The following SLC25A36 variants were observed in gnomAD, a reference collection of about 807,000 sequenced individuals.
The protein encoded by SLC25A36 is epididymis secretory sperm binding protein.
SLC25A36 carries 24 observed loss-of-function variants against 35.3 expected under a neutral mutation model. That is an observed-to-expected ratio of 0.68 (90% CI 0.49 to 0.96). The LOEUF (loss-of-function observed/expected upper bound fraction) is 0.96. Among genes scored for constraint, SLC25A36 ranks in the 40% least tolerant of loss-of-function variants. The pLI, the probability that SLC25A36 is intolerant of heterozygous loss-of-function variation, is 0.00. For missense variants in SLC25A36, 294 were observed against 381.1 expected, an observed-to-expected ratio of 0.77 and a Z score of 1.90; for synonymous variants, 141 against 132.2, an observed-to-expected ratio of 1.07 and a Z score of -0.46.
chr3:140,959,609 A>G, intron 3 of SLC25A36, 69 bp downstream of exon 3: 1 of 655,266 alleles, frequency 1.5e-6, no homozygotes, highest in Non-Finnish European at 2.4e-6. Context: ...ACCTGGATTT[A>G]ATCATTTATA....
chr3:140,973,712 T>G lies in SLC25A36; in HGVS notation c.453-4T>G, dbSNP rs751970093. ...TCAGTAAGATGTTTCTTTTTGCTTT[T>G]CAGGAACCGCGGGGAAAGGCGAATG... On this transcript the variant is annotated splice_polypyrimidine_tract_variant and splice_region_variant and intron_variant, in intron 5 of 6. Transcript: ENST00000324194. 4 of 1,449,656 alleles carry G rather than the reference T, an allele frequency of 2.8e-6. No homozygotes were observed. In the East Asian group the frequency reaches 7.1e-5, roughly 26 times the overall value. 89.8% of individuals were successfully genotyped at this position (1,449,656 alleles called of 1,614,324 possible). A position where few individuals can be genotyped will look rare whatever the true frequency, so the allele number is the denominator to read the frequency against.
At position 140,978,514 on chromosome 3, in the gene SLC25A36, T is replaced by C. The variant is rs945345152; in HGVS notation, c.*2061T>C. The C allele has an allele frequency of 6.6e-6, 1 of 152,208 alleles. No homozygotes were observed. The highest frequency in any genetic ancestry group is 2.4e-5 in the African/African-American group (1 of 41,458). 9.4% of individuals were successfully genotyped at this position (152,208 alleles called of 1,614,324 possible). ...GTACCCCACAAATGATTAAGAATGA[T>C]ATGAAAACCAGCAGCTAAGGAACAT... On this transcript the variant is annotated 3_prime_UTR_variant, in exon 7 of 7. Coordinates refer to ENST00000324194, the MANE Select transcript of SLC25A36 (RefSeq NM_001104647.3).
intron 4 of SLC25A36, among the ~76,000 whole-genome samples, chr3:140,967,387 A>G (rs183740717): frequency 7.2e-4 from 110 of 152,096 alleles, no homozygotes; most frequent in Non-Finnish European, 1.6e-4. Context: ...AAAGCCTAAT[A>G]CAATGCTTTC....
At chr3:140,942,152 AGGCGAGGGG>A (rs1164503155) in intron 1 of SLC25A36, 57 bp downstream of exon 1, 18 of 202,210 alleles carry the variant, frequency 8.9e-5, no homozygotes, top group Non-Finnish European at 1.2e-4. Flanking sequence ...CCGAAGACGC[AGGCGAGGGG>A]GGCGAGGGGG....
At chr3:140,953,683 C>G (rs1187824483) in intron 1 of SLC25A36, among the ~76,000 whole-genome samples, 1 of 152,050 alleles carries the variant, frequency 6.6e-6, no homozygotes, top group African/African-American at 2.4e-5. Flanking sequence ...TTGGCTGGGC[C>G]TAGTGGTTCA....
At chr3:140,973,616 G>A in intron 5 of SLC25A36, 100 bp from the exon 6 acceptor site, 1 of 867,146 alleles carries the variant, frequency 1.2e-6, no homozygotes. Flanking sequence ...TTCTTCATGA[G>A]TTAAAGAAGG....
chr3:140,975,097 C>CTTTTTTT (rs10662120), intron 6 of SLC25A36, among the ~76,000 whole-genome samples: 4,079 of 55,052 alleles, frequency 0.074, 1,510 homozygotes, highest in South Asian at 0.11. Flanking sequence ...AAGATACATT[C>CTTTTTTT]TTTTTTTTTT....
intron 1 of SLC25A36, among the ~76,000 whole-genome samples, chr3:140,949,700 G>A (rs977092897): frequency 6.6e-6 from 1 of 152,136 alleles, no homozygotes; most frequent in Non-Finnish European, 1.5e-5. Context: ...CTGAATTTTT[G>A]ATGTTACAAA....
At chr3:140,967,462 A>T (rs1328769263) in intron 4 of SLC25A36, among the ~76,000 whole-genome samples, 1 of 151,950 alleles carries the variant, frequency 6.6e-6, no homozygotes, top group Non-Finnish European at 1.5e-5. Flanking sequence ...ACAAAAATTA[A>T]TTACTTTGCA....
intron 4 of SLC25A36, chr3:140,966,229 A>G (rs781560471): frequency 6.1e-6 from 1 of 163,932 alleles, no homozygotes; most frequent in Admixed American, 6.4e-5. Context: ...TCTTGCATTT[A>G]TGAAATATTT....
intron 1 of SLC25A36, among the ~76,000 whole-genome samples, chr3:140,943,441 C>A (rs1189156062): frequency 6.6e-6 from 1 of 152,206 alleles, no homozygotes; most frequent in Non-Finnish European, 1.5e-5. Flanking sequence ...ATCTGTGAGA[C>A]CCAGTTTAGG....
At chr3:140,945,739 T>TAAAAAAAAAAAAAAAAAAAAAAATA (rs59896675) in intron 1 of SLC25A36, among the ~76,000 whole-genome samples, 1 of 127,746 alleles carries the variant, frequency 7.8e-6, no homozygotes. Context: ...TACTTGCAAT[T>TAAAAAAAAAAAAAAAAAAAAAAATA]AAAAAAAAAA....
intron 4 of SLC25A36, chr3:140,968,045 G>A (rs1182402005): frequency 3.0e-6 from 3 of 984,452 alleles, no homozygotes; most frequent in African/African-American, 3.5e-5. Flanking sequence ...TGTCATATAA[G>A]TAGTGGGAAG....
At chr3:140,964,159 T>C (rs1934703096) in intron 4 of SLC25A36, 1 of 151,996 alleles carries the variant, frequency 6.6e-6, no homozygotes, top group Admixed American at 6.6e-5. Context: ...TTAAACACTT[T>C]TGGTTTAGAA....
chr3:140,942,735 TG>T (rs1934050110), intron 1 of SLC25A36: 1 of 151,962 alleles, frequency 6.6e-6, no homozygotes, highest in Admixed American at 6.6e-5. Context: ...GCAAGGTGGG[TG>T]GTAAGGGGGC....
chr3:140,950,327 T>G (rs1348042322), intron 1 of SLC25A36, among the ~76,000 whole-genome samples: 2 of 146,512 alleles, frequency 1.4e-5, no homozygotes, highest in Non-Finnish European at 3.0e-5. Flanking sequence ...GTACTCATAC[T>G]TGAACATTTG....
intron 1 of SLC25A36, among the ~76,000 whole-genome samples, chr3:140,946,781 G>T (rs1934178003): frequency 6.6e-6 from 1 of 152,150 alleles, no homozygotes; most frequent in Non-Finnish European, 1.5e-5. Flanking sequence ...CTCCATTTTA[G>T]ACATGGTAAG....
intron 3 of SLC25A36, among the ~76,000 whole-genome samples, chr3:140,960,568 G>T (rs1422390052): frequency 6.6e-6 from 1 of 152,186 alleles, no homozygotes; most frequent in African/African-American, 2.4e-5. Context: ...AAAAACCTGA[G>T]AATTTGTGTA....
rs1195721972 is a variant in SLC25A36, at chr3:140,980,235, G to T, written c.*3782G>T. On this transcript the variant is annotated 3_prime_UTR_variant, in exon 7 of 7. Coordinates refer to ENST00000324194, the MANE Select transcript of SLC25A36 (RefSeq NM_001104647.3). ...TTTTCATGTTTTAATTTCAGCCTTT[G>T]TGAAAGTTGATATTAAAAATACAGA... Among the ~76,000 whole-genome samples, 2 of 147,248 alleles carry T rather than the reference G, an allele frequency of 1.4e-5. No homozygotes were observed. The highest frequency in any genetic ancestry group is 6.6e-5 in the Admixed American group (1 of 15,132).
Sources: allele counts gnomAD v4.1 joint callset (sites outside exome capture counted in the v4.1 genomes callset), GRCh38; gene constraint gnomAD v4.1.1; transcripts MANE v1.5; gene names NCBI Gene and HGNC (gene_info 2026-07-23, HGNC 2026-07-21).